The following GALNT13 variants were observed in gnomAD, a reference collection of about 807,000 sequenced individuals.
GALNT13 encodes polypeptide N-acetylgalactosaminyltransferase 13.
A neutral mutation model predicts 64.2 loss-of-function variants in GALNT13; 28 were observed. That is an observed-to-expected ratio of 0.44 (90% CI 0.32 to 0.60). The LOEUF is 0.60. Ranked by LOEUF, GALNT13 falls within the 20% of genes least tolerant of loss-of-function variation. The probability of loss-of-function intolerance (pLI) is 0.05; values close to 1 mark genes in which losing one functional copy is unlikely to be tolerated. For synonymous variants in GALNT13, 214 were observed against 224.6 expected (o/e 0.95, Z 0.42); for missense variants, 577 against 669.8 (o/e 0.86, Z 1.53).
At chr2:153,734,595 T>A in the GALNT13 span, among the ~76,000 whole-genome samples, 1 of 152,196 alleles carries the variant, frequency 6.6e-6, no homozygotes, top group Non-Finnish European at 1.5e-5. Context: ...CCATTAAAAT[T>A]AATAATAATA....
At chr2:154,301,871 A>G (rs1693460478) in intron 9 of GALNT13, among the ~76,000 whole-genome samples, 1 of 152,064 alleles carries the variant, frequency 6.6e-6, no homozygotes, top group Non-Finnish European at 1.5e-5. Flanking sequence ...TTTATTATTA[A>G]CTCGAATTAA....
At chr2:154,233,037 CAAA>C (rs375484057) in intron 4 of GALNT13, among the ~76,000 whole-genome samples, 1 of 59,060 alleles carries the variant, frequency 1.7e-5, no homozygotes, top group African/African-American at 5.9e-5. Flanking sequence ...GACCCTGTCT[CAAA>C]AAAAAAAAAA....
chr2:153,873,210 T>C (rs773552506), intron 1 of GALNT13, among the ~76,000 whole-genome samples: 8 of 152,060 alleles, frequency 5.3e-5, no homozygotes, highest in Non-Finnish European at 1.2e-4. Context: ...GCGGGGTCAG[T>C]GGGGACGCGG....
the GALNT13 span, among the ~76,000 whole-genome samples, chr2:153,819,273 C>A: frequency 7.2e-5 from 11 of 152,268 alleles, no homozygotes; most frequent in East Asian, 2.1e-3. Context: ...TAAAACCACA[C>A]CCACAGAGAG....
chr2:153,889,805 A>G (rs1415121998), intron 1 of GALNT13, among the ~76,000 whole-genome samples: 1 of 152,026 alleles, frequency 6.6e-6, no homozygotes, highest in Admixed American at 6.6e-5. Flanking sequence ...TTAAGGCACT[A>G]TGTAAATGCA....
At chr2:154,202,319 G>A (rs1687214758) in intron 4 of GALNT13, among the ~76,000 whole-genome samples, 1 of 152,024 alleles carries the variant, frequency 6.6e-6, no homozygotes, top group Non-Finnish European at 1.5e-5. Flanking sequence ...CATATAGTAA[G>A]TACTGTATGT....
At chr2:153,414,244 G>A in the GALNT13 span, among the ~76,000 whole-genome samples, 4 of 151,824 alleles carry the variant, frequency 2.6e-5, no homozygotes, top group South Asian at 2.1e-4. Context: ...AAGTAGTGGC[G>A]TGCATCTGTA....
the GALNT13 span, chr2:153,371,048 A>G: frequency 4.7e-6 from 1 of 211,680 alleles, no homozygotes; most frequent in South Asian, 8.8e-5. Context: ...GATATAGCCA[A>G]CACAATTGGG....
chr2:153,631,029 C>G, the GALNT13 span, among the ~76,000 whole-genome samples: 1 of 151,228 alleles, frequency 6.6e-6, no homozygotes, highest in South Asian at 2.1e-4. Flanking sequence ...TCTGATTGTT[C>G]AATTCCCATC....
intron 4 of GALNT13, among the ~76,000 whole-genome samples, chr2:154,152,916 C>T (rs1057039154): frequency 3.9e-5 from 6 of 152,162 alleles, no homozygotes; most frequent in Admixed American, 3.9e-4. Flanking sequence ...CGTCTGAAGC[C>T]TTCTTCTCTC....
At chr2:154,393,580 AT>A (rs970397102) in intron 9 of GALNT13, among the ~76,000 whole-genome samples, 5 of 152,128 alleles carry the variant, frequency 3.3e-5, no homozygotes, top group African/African-American at 9.7e-5. Flanking sequence ...AGCCCACCAT[AT>A]TTTTTTGTAC....
the GALNT13 span, among the ~76,000 whole-genome samples, chr2:153,776,516 T>G: frequency 6.6e-6 from 1 of 152,232 alleles, no homozygotes; most frequent in East Asian, 1.9e-4. Context: ...TTAAGTTATT[T>G]TTTGTAGCTT....
chr2:153,862,140 CT>C, the GALNT13 span, among the ~76,000 whole-genome samples: 1 of 152,116 alleles, frequency 6.6e-6, no homozygotes, highest in Non-Finnish European at 1.5e-5. Flanking sequence ...CAATTACACA[CT>C]TAGAAAGATA....
the GALNT13 span, among the ~76,000 whole-genome samples, chr2:153,470,560 A>AT: frequency 2.7e-3 from 409 of 151,918 alleles, 2 homozygotes; most frequent in African/African-American, 8.4e-3. Context: ...GTGGAGAGAG[A>AT]TTTTCTGAGA....
chr2:153,332,500 T>A, the GALNT13 span, among the ~76,000 whole-genome samples: 1 of 152,160 alleles, frequency 6.6e-6, no homozygotes, highest in South Asian at 2.1e-4. Context: ...TGATATTGAT[T>A]TCTATTTTCA....
the GALNT13 span, among the ~76,000 whole-genome samples, chr2:153,654,256 T>A: frequency 1.3e-5 from 2 of 152,162 alleles, no homozygotes. Context: ...AGAATTATTT[T>A]AAATTTAAAT....
At chr2:153,207,111 T>G in the GALNT13 span, among the ~76,000 whole-genome samples, 2 of 152,094 alleles carry the variant, frequency 1.3e-5, no homozygotes, top group Admixed American at 1.3e-4. Flanking sequence ...ATTTTGTTCA[T>G]AGTTTATTAT....
the GALNT13 span, among the ~76,000 whole-genome samples, chr2:153,729,005 C>G: frequency 1.3e-5 from 2 of 152,060 alleles, no homozygotes; most frequent in African/African-American, 4.8e-5. Context: ...AATAGTGTAT[C>G]AACCAAAAAA....
At chr2:153,478,234 G>T in the GALNT13 span, 1 of 1,608,566 alleles carries the variant, frequency 6.2e-7, no homozygotes, top group South Asian at 1.1e-5. Flanking sequence ...GCAGAGGGCG[G>T]GTCAGTAGGG....
Sources: allele counts gnomAD v4.1 joint callset (sites outside exome capture counted in the v4.1 genomes callset), GRCh38; gene constraint gnomAD v4.1.1; transcripts MANE v1.5; gene names NCBI Gene and HGNC (gene_info 2026-07-23, HGNC 2026-07-21).